The following ZNF236 variants were observed in gnomAD, a reference collection of about 807,000 sequenced individuals.
ZNF236 encodes the protein zinc finger protein 236, also known as regulated by glucose.
A neutral mutation model predicts 191.2 loss-of-function variants in ZNF236; 50 were observed. The ratio of observed to expected loss-of-function variants is 0.26; its 90% CI spans 0.21 to 0.33. The LOEUF is 0.33. Among genes scored for constraint, ZNF236 ranks in the 10% least tolerant of loss-of-function variants. The pLI, the probability that ZNF236 is intolerant of heterozygous loss-of-function variation, is 1.00. For missense variants in ZNF236, 1,754 were observed against 2,374.5 expected (o/e 0.74, Z 5.43); for synonymous variants, 907 against 928.8 (o/e 0.98, Z 0.43).
intron 27 of ZNF236, among the ~76,000 whole-genome samples, chr18:76,953,666 G>A (rs571965664): frequency 2.6e-5 from 4 of 152,280 alleles, no homozygotes; most frequent in African/African-American, 9.6e-5. Context: ...GAACTTTTTA[G>A]TAAGGGGCAG....
chr18:76,855,321 G>A (rs1976011299), intron 3 of ZNF236, among the ~76,000 whole-genome samples: 1 of 152,196 alleles, frequency 6.6e-6, no homozygotes, highest in African/African-American at 2.4e-5. Context: ...TCAAACAATA[G>A]AGAAGGCTAT....
chr18:76,892,818 C>T (rs559915569), intron 9 of ZNF236, among the ~76,000 whole-genome samples: 3 of 152,216 alleles, frequency 2.0e-5, no homozygotes, highest in South Asian at 2.1e-4. Flanking sequence ...CCGCCCGCCT[C>T]GGCCTCCCAA....
chr18:76,896,981 CAG>C (rs888475013), intron 10 of ZNF236, among the ~76,000 whole-genome samples: 6 of 151,672 alleles, frequency 4.0e-5, no homozygotes, highest in African/African-American at 1.2e-4. Context: ...ACAACATACA[CAG>C]TACTGCACTT....
rs1374667668 is a variant in ZNF236 at position 76,971,580 on chromosome 18, C to T, written c.*3241C>T. Reference sequence around the variant, plus strand: ...CTAGTGTTCTGTGTCTTCCTTTGAACTCATATCACATTTATTACAAGAGAC... The same window carrying T: ...CTAGTGTTCTGTGTCTTCCTTTGAATTCATATCACATTTATTACAAGAGAC... On this transcript the variant is annotated 3_prime_UTR_variant, in exon 31 of 31. Coordinates refer to ENST00000320610, the MANE Select transcript of ZNF236 (RefSeq NM_001306089.2). 6.6e-6 allele frequency among the ~76,000 whole-genome samples: 1 copy of T among 152,204 alleles called. No homozygotes were observed. The highest frequency in any genetic ancestry group is 6.5e-5 in the Admixed American group (1 of 15,284).
intron 14 of ZNF236, among the ~76,000 whole-genome samples, chr18:76,909,015 C>T (rs1414263041): frequency 6.8e-6 from 1 of 147,502 alleles, no homozygotes; most frequent in South Asian, 2.1e-4. Context: ...GTTTGGTATG[C>T]GTATATAATT....
At chr18:76,954,938 T>C (rs912677431) in intron 27 of ZNF236, among the ~76,000 whole-genome samples, 1 of 152,236 alleles carries the variant, frequency 6.6e-6, no homozygotes, top group Admixed American at 6.5e-5. Context: ...ATAAATCTTT[T>C]TTGTTGTTTA....
At chr18:76,897,221 C>T (rs564001238) in intron 10 of ZNF236, among the ~76,000 whole-genome samples, 12 of 151,866 alleles carry the variant, frequency 7.9e-5, no homozygotes, top group African/African-American at 2.9e-4. Flanking sequence ...CATAGTACTG[C>T]ACACAGGTAC....
chr18:76,828,655 G>A lies in ZNF236; in HGVS notation c.55+5993G>A, dbSNP rs373146092. 1.6e-4 allele frequency among the ~76,000 whole-genome samples: 25 copies of A among 152,180 alleles called. No individual in the cohort carries two copies. The East Asian group carries it at 3.1e-3, about 19-fold the overall frequency. On this transcript the variant is annotated intron_variant, in intron 1 of 30. Coordinates refer to ENST00000320610, the MANE Select transcript of ZNF236 (RefSeq NM_001306089.2). ...CATAATTGAACTTTTTAGGTAGGCC[G>A]AAATTTGGAGTATGTGTTTATTTAT... is the stretch of plus-strand genomic sequence containing the variant.
At chr18:76,908,695 A>G (rs1019314613) in intron 14 of ZNF236, 122 bp downstream of exon 14, 17 of 1,271,824 alleles carry the variant, frequency 1.3e-5, no homozygotes, top group Non-Finnish European at 1.8e-5. Flanking sequence ...GCTGTATGTG[A>G]AAGAGATTGA....
chr18:76,866,086 T>A (rs931782611), intron 3 of ZNF236, among the ~76,000 whole-genome samples: 2 of 152,234 alleles, frequency 1.3e-5, no homozygotes, highest in Admixed American at 6.5e-5. Flanking sequence ...AAAAGTCACA[T>A]AATTATTGAA....
chr18:76,856,934 C>T (rs534760811), intron 3 of ZNF236, among the ~76,000 whole-genome samples: 1 of 152,334 alleles, frequency 6.6e-6, no homozygotes, highest in South Asian at 2.1e-4. Flanking sequence ...GAACATCCCA[C>T]ACTGATCTGC....
Position 76,905,166 on chromosome 18 carries a change from G to A in ZNF236, c.2048G>A (p.Gly683Asp), listed in dbSNP as rs1292073262. ...TATTTTTTTTTAAGATCCCATACAGGTGAAAAACCTTTTAAATGTTCTCAG... is the reference window on the plus strand; with the variant it reads ...TATTTTTTTTTAAGATCCCATACAGATGAAAAACCTTTTAAATGTTCTCAG... ...HLKQHIRSHT[G>D]EKPFKCSQCG... Residue 683 changes from glycine (G) to aspartate (D), a missense_variant, in exon 13 of 31, where the codon GGT (glycine) becomes GAT (aspartate). Gly to Asp is a moderately conservative substitution (Grantham distance 94). This residue lies in a region of ZNF236 where 641 missense variants were observed against 869.6 expected (regional missense o/e 0.74). Coordinates refer to ENST00000320610, the MANE Select transcript of ZNF236 (RefSeq NM_001306089.2). 2 of 1,612,934 alleles carry A rather than the reference G, an allele frequency of 1.2e-6. No homozygotes were observed. The highest frequency in any genetic ancestry group is 1.1e-5 in the South Asian group (1 of 90,824).
intron 9 of ZNF236, among the ~76,000 whole-genome samples, chr18:76,889,899 G>A (rs1330051717): frequency 6.6e-6 from 1 of 152,108 alleles, no homozygotes; most frequent in African/African-American, 2.4e-5. Context: ...TCCTGCTAGA[G>A]GTATAATATA....
intron 3 of ZNF236, among the ~76,000 whole-genome samples, chr18:76,867,803 A>C (rs1976458415): frequency 6.6e-6 from 1 of 152,202 alleles, no homozygotes; most frequent in South Asian, 2.1e-4. Flanking sequence ...CTGTGAGGGC[A>C]GGGGTGATTG....
chr18:76,969,437 CAT>C lies in ZNF236; in HGVS notation c.*1101_*1102del, dbSNP rs1308152920. On this transcript the variant is annotated 3_prime_UTR_variant, in exon 31 of 31. Coordinates refer to ENST00000320610, the MANE Select transcript of ZNF236 (RefSeq NM_001306089.2). Reference sequence around the variant, plus strand: ...TATTTATATGTTCTATATATAAATACATATGTACATAGATATATGGGCCTCTG... The same window carrying C: ...TATTTATATGTTCTATATATAAATACATGTACATAGATATATGGGCCTCTG... 5.2e-5 allele frequency: 8 copies of C among 152,532 alleles called. No individual in the cohort carries two copies. Among genetic ancestry groups the C allele is most frequent in the Non-Finnish European group, 1.0e-4 (7 of 68,032 alleles). 9.4% of individuals were successfully genotyped at this position (152,532 alleles called of 1,614,324 possible).
At position 76,920,053 on chromosome 18, in the gene ZNF236, G is replaced by A. The variant is rs551815849; in HGVS notation, c.3552G>A (p.Leu1184=). 3 of 1,611,494 alleles carry A rather than the reference G, an allele frequency of 1.9e-6. No homozygotes were observed. The African/African-American group carries it at 4.0e-5, about 21-fold the overall frequency. The change falls in exon 20 of 31, where the codon CTG becomes CTA. Residue 1184 remains leucine (L), a synonymous_variant. Transcript: ENST00000320610. ...CPKSFKKPSD[L]VRHVRIHTGE... is the part of the protein sequence containing the mutation. ...AGAGCTTCAAGAAACCTAGCGACCT[G>A]GTGAGGTGAGGGCATGGCTACGCCG... is the stretch of plus-strand genomic sequence containing the variant.
chr18:76,857,880 C>T (rs746158541), intron 3 of ZNF236, among the ~76,000 whole-genome samples: 7 of 152,114 alleles, frequency 4.6e-5, no homozygotes, highest in Admixed American at 6.5e-5. Flanking sequence ...GAGAACTGAT[C>T]ATGTTTATAA....
At chr18:76,845,326 G>A (rs1387740538) in intron 1 of ZNF236, among the ~76,000 whole-genome samples, 2 of 152,160 alleles carry the variant, frequency 1.3e-5, no homozygotes, top group Admixed American at 1.3e-4. Context: ...CCTGTGTATA[G>A]TGAACTCTTA....
chr18:76,881,244 C>T (rs1976883365), intron 8 of ZNF236, 40 bp from the exon 9 acceptor site: 2 of 1,565,116 alleles, frequency 1.3e-6, no homozygotes, highest in Non-Finnish European at 1.7e-6. Context: ...AGAGTTGGGC[C>T]ATCGTTACCT....
Sources: gnomAD v4.1 joint callset for allele counts (sites outside exome capture counted in the v4.1 genomes callset) on GRCh38, gnomAD v4.1.1 for gene constraint, gnomAD v4.1.1 regional missense constraint, MANE v1.5 for transcripts, NCBI Gene and HGNC (gene_info 2026-07-23, HGNC 2026-07-21) for gene names.